The following TTC8 variants were observed in gnomAD, a reference collection of about 807,000 sequenced individuals.
TTC8 encodes tetratricopeptide repeat protein 8.
A neutral mutation model predicts 72.5 loss-of-function variants in TTC8; 47 were observed. The ratio of observed to expected loss-of-function variants is 0.65; its 90% confidence interval spans 0.51 to 0.83. The LOEUF is 0.83. Among genes scored for constraint, TTC8 ranks in the 40% least tolerant of loss-of-function variants. The probability of loss-of-function intolerance (pLI) is 0.00; values close to 1 mark genes in which losing one functional copy is unlikely to be tolerated. For synonymous variants in TTC8, 199 were observed against 221.4 expected (o/e 0.90, Z 0.90); for missense variants, 611 against 623.2 (o/e 0.98, Z 0.21).
intron 10 of TTC8, among the ~76,000 whole-genome samples, chr14:88,868,662 C>T (rs1305375906): frequency 6.6e-6 from 1 of 152,076 alleles, no homozygotes; most frequent in East Asian, 1.9e-4. Flanking sequence ...GGCCAAGTGG[C>T]AGTTGCCATG....
chr14:88,849,230 T>G lies in TTC8; in HGVS notation c.625-3741T>G, dbSNP rs117384459. The stretch of plus-strand genomic sequence containing the variant: ...ACAGATGTCTTGTTCTGTTTCTCAC[T>G]CTGGTACAGTCTTGCCACATTATAG... On this transcript the variant is annotated intron_variant, in intron 7 of 14. Coordinates refer to ENST00000380656, the MANE Select transcript of TTC8 (RefSeq NM_144596.4). 8.2e-3 allele frequency among the ~76,000 whole-genome samples: 1,248 copies of G among 152,330 alleles called. 8 individuals carry two copies. Among genetic ancestry groups the G allele is most frequent in the Non-Finnish European group, 0.013 (914 of 68,018 alleles).
intron 3 of TTC8, among the ~76,000 whole-genome samples, 197 bp from the exon 4 acceptor site, chr14:88,840,668 G>A (rs1455503274): frequency 1.3e-5 from 2 of 152,132 alleles, no homozygotes; most frequent in Non-Finnish European, 2.9e-5. Context: ...GACTTAATGT[G>A]ATGATTAAAT....
chr14:88,880,664 C>G (rs2141053910), downstream of TTC8: 1 of 152,246 alleles, frequency 6.6e-6, no homozygotes, highest in African/African-American at 2.4e-5. Flanking sequence ...ACTCCAGCAC[C>G]TTGCAACTGT....
chr14:88,832,533 A>G (rs951392942), intron 1 of TTC8, among the ~76,000 whole-genome samples: 2 of 151,854 alleles, frequency 1.3e-5, no homozygotes, highest in Non-Finnish European at 2.9e-5. Context: ...GATTCCCTCA[A>G]CCGTTTGTGT....
chr14:88,863,356 G>C (rs2094896781), intron 10 of TTC8, among the ~76,000 whole-genome samples: 1 of 152,158 alleles, frequency 6.6e-6, no homozygotes, highest in Non-Finnish European at 1.5e-5. Flanking sequence ...GAGGAAACCA[G>C]GTACAAGCTT....
At chr14:88,879,753 T>A (rs976085935), downstream of TTC8, 1 of 151,860 alleles carries the variant, frequency 6.6e-6, no homozygotes, top group Non-Finnish European at 1.5e-5. Flanking sequence ...CTTGGCTTAC[T>A]GCAACCTCTG....
downstream of TTC8, chr14:88,880,399 G>A (rs1287998214): frequency 2.0e-5 from 3 of 152,194 alleles, no homozygotes; most frequent in Non-Finnish European, 2.9e-5. Context: ...TCCTTGAAAT[G>A]AAAGAATAGA....
At chr14:88,827,775 A>G (rs1056697394) in intron 1 of TTC8, among the ~76,000 whole-genome samples, 1 of 152,232 alleles carries the variant, frequency 6.6e-6, no homozygotes, top group Non-Finnish European at 1.5e-5. Context: ...TTCATTAAAA[A>G]AATTAATATT....
In TTC8 at chr14:88,859,482, A is replaced by G. The variant is rs552147318; in HGVS notation, c.799-1740A>G. Among the ~76,000 whole-genome samples, 215 of 152,270 alleles carry G rather than the reference A, an allele frequency of 1.4e-3. 1 individual carries two copies. The highest frequency in any genetic ancestry group is 2.6e-3 in the Non-Finnish European group (175 of 68,010). ...CTAACTGATGAGAACACATGGACACATAGAGGGGAGCAGCAGACACTGGGG... is the reference window on the plus strand; with the variant it reads ...CTAACTGATGAGAACACATGGACACGTAGAGGGGAGCAGCAGACACTGGGG... On this transcript the variant is annotated intron_variant, in intron 9 of 14. Coordinates refer to ENST00000380656, the MANE Select transcript of TTC8 (RefSeq NM_144596.4).
In TTC8 at chr14:88,872,326, G is replaced by T. The variant is rs2094937777; in HGVS notation, c.1225-4G>T. 1 of 1,613,656 alleles carries T rather than the reference G, an allele frequency of 6.2e-7. No individual in the cohort carries two copies. Among genetic ancestry groups the T allele is most frequent in the South Asian group, 1.1e-5 (1 of 91,066 alleles). On this transcript the variant is annotated splice_region_variant and splice_polypyrimidine_tract_variant and intron_variant, in intron 12 of 14. Coordinates refer to ENST00000380656, the MANE Select transcript of TTC8 (RefSeq NM_144596.4). ...TGGGTGTGAACATAGGCTTTCTTTT[G>T]TAGGGAATAGGAGATACAAATTTGG...
chr14:88,876,437 C>T (rs529546842), intron 14 of TTC8, among the ~76,000 whole-genome samples: 5 of 152,156 alleles, frequency 3.3e-5, no homozygotes, highest in African/African-American at 1.2e-4. Flanking sequence ...AGAACGTATC[C>T]ATGAATCAAG....
downstream of TTC8, chr14:88,879,972 C>T (rs2094968951): frequency 6.6e-6 from 1 of 152,138 alleles, no homozygotes; most frequent in Admixed American, 6.5e-5. Flanking sequence ...CCACTGCACC[C>T]AGCGTCTCTA....
chr14:88,861,847 T>C (rs2094887138), intron 10 of TTC8, among the ~76,000 whole-genome samples: 1 of 152,210 alleles, frequency 6.6e-6, no homozygotes, highest in Admixed American at 6.5e-5. Context: ...TATTGCTTTA[T>C]TGTGTCTATA....
intron 11 of TTC8, among the ~76,000 whole-genome samples, chr14:88,870,495 TATC>T (rs957048858): frequency 6.6e-6 from 1 of 152,220 alleles, no homozygotes; most frequent in African/African-American, 2.4e-5. Context: ...ACTTAAAACT[TATC>T]ATCATCATTG....
Position 88,870,501 on chromosome 14 carries a change from C to T in TTC8, c.1049+303C>T, listed in dbSNP as rs945615484. 2.6e-5 allele frequency among the ~76,000 whole-genome samples: 4 copies of T among 152,292 alleles called. No homozygotes were observed. The East Asian group carries it at 5.8e-4, about 22-fold the overall frequency. ...TGAATAGTTACTTAAAACTTATCAT[C>T]ATCATTGCCTCCGTTAATACCATTA... is the stretch of plus-strand genomic sequence containing the variant. On this transcript the variant is annotated intron_variant, in intron 11 of 14. Transcript: ENST00000380656.
At chr14:88,872,997 C>T (rs1332314458) in intron 13 of TTC8, among the ~76,000 whole-genome samples, 1 of 152,198 alleles carries the variant, frequency 6.6e-6, no homozygotes, top group East Asian at 1.9e-4. Flanking sequence ...AGTCAGTGCA[C>T]TCTATGATAC....
chr14:88,825,198 A>G (rs1348158927), intron 1 of TTC8, among the ~76,000 whole-genome samples: 1 of 152,230 alleles, frequency 6.6e-6, no homozygotes, highest in Non-Finnish European at 1.5e-5. Context: ...AAAAATATGC[A>G]TAAACAAAGA....
chr14:88,861,368 C>G, intron 10 of TTC8, 36 bp downstream of exon 10: 1 of 1,436,948 alleles, frequency 7.0e-7, no homozygotes, highest in Non-Finnish European at 9.7e-7. Flanking sequence ...TTTATTGATA[C>G]ACAATAGTTT....
At position 88,841,465 on chromosome 14, in the gene TTC8, T is replaced by C; in HGVS notation, c.530T>C (p.Leu177Ser). The C allele has an allele frequency of 6.2e-7, 1 of 1,613,822 alleles. No homozygotes were observed. The highest frequency in any genetic ancestry group is 1.1e-5 in the South Asian group (1 of 91,080). The change falls in exon 6 of 15, where the codon TTA becomes TCA. Residue 177 changes from leucine (L) to serine (S), a missense_variant. Physicochemically the swap from Leu to Ser is moderately radical, Grantham distance 145. Coordinates refer to ENST00000380656, the MANE Select transcript of TTC8 (RefSeq NM_144596.4). ...AGTCCTGATGGACCATTTATAAATTTATCTAGGCTGAATTTAACAAAGTAT... is the reference window on the plus strand; with the variant it reads ...AGTCCTGATGGACCATTTATAAATTCATCTAGGCTGAATTTAACAAAGTAT... ...LTSPDGPFIN[L>S]SRLNLTKYSQ... is the part of the protein sequence containing the mutation.
Sources: allele counts gnomAD v4.1 joint callset (sites outside exome capture counted in the v4.1 genomes callset), GRCh38; gene constraint gnomAD v4.1.1; transcripts MANE v1.5; gene names NCBI Gene and HGNC (gene_info 2026-07-23, HGNC 2026-07-21).